Variants in CCDC85A observed in about 807,000 individuals in gnomAD.
CCDC85A encodes coiled-coil domain-containing protein 85A.
Under a neutral mutation model 50.2 loss-of-function variants are expected in CCDC85A, and 38 were observed. That is an observed-to-expected ratio of 0.76 (90% confidence interval 0.58 to 0.99). The LOEUF (loss-of-function observed/expected upper bound fraction) is 0.99, where lower values mean the gene tolerates loss of function less well. Among genes scored for constraint, CCDC85A ranks in the 50% least tolerant of loss-of-function variants. The pLI, the probability that CCDC85A is intolerant of heterozygous loss-of-function variation, is 0.00. For missense variants in CCDC85A, 820 were observed against 742.0 expected, an observed-to-expected ratio of 1.11 and a Z score of -1.22; for synonymous variants, 366 against 301.4, an observed-to-expected ratio of 1.21 and a Z score of -2.22.
intron 2 of CCDC85A, among the ~76,000 whole-genome samples, chr2:56,261,325 T>G (rs13016868): frequency 0.29 from 44,322 of 152,108 alleles, 6,782 homozygotes; most frequent in South Asian, 0.37. Flanking sequence ...CCTTTATTGG[T>G]GCTGTGTGCA....
intron 3 of CCDC85A, among the ~76,000 whole-genome samples, chr2:56,361,208 C>T (rs535398815): frequency 1.1e-4 from 16 of 151,698 alleles, no homozygotes; most frequent in Admixed American, 4.6e-4. Flanking sequence ...GAGCGGAGAT[C>T]GCGCCACTGC....
chr2:56,331,518 A>G (rs757351848), intron 2 of CCDC85A, among the ~76,000 whole-genome samples: 2 of 152,194 alleles, frequency 1.3e-5, no homozygotes, highest in African/African-American at 2.4e-5. Flanking sequence ...CTGCACTTGT[A>G]CCTTTTAAAT....
chr2:56,276,728 T>C (rs910076521), intron 2 of CCDC85A, among the ~76,000 whole-genome samples: 2 of 152,208 alleles, frequency 1.3e-5, no homozygotes, highest in Non-Finnish European at 1.5e-5. Flanking sequence ...AATGGACTAA[T>C]ACAGTGAGTG....
chr2:56,325,019 AC>A (rs200278029), intron 2 of CCDC85A, among the ~76,000 whole-genome samples: 1,534 of 152,206 alleles, frequency 0.01, 14 homozygotes, highest in Middle Eastern at 0.02. Context: ...TAACATGAAA[AC>A]TTAAAGATTT....
At chr2:56,367,415 A>G (rs1454745414) in intron 3 of CCDC85A, among the ~76,000 whole-genome samples, 1 of 152,178 alleles carries the variant, frequency 6.6e-6, no homozygotes, top group Non-Finnish European at 1.5e-5. Context: ...CCTGTGGGCA[A>G]CATGTCCTCA....
chr2:56,194,544 G>C (rs1247921830), intron 2 of CCDC85A, among the ~76,000 whole-genome samples: 1 of 152,226 alleles, frequency 6.6e-6, no homozygotes, highest in Non-Finnish European at 1.5e-5. Flanking sequence ...GAGGCTGCCA[G>C]TTTTAGCAGT....
chr2:56,301,677 A>T (rs1672210582), intron 2 of CCDC85A, among the ~76,000 whole-genome samples: 1 of 152,130 alleles, frequency 6.6e-6, no homozygotes, highest in Non-Finnish European at 1.5e-5. Flanking sequence ...ATGCATAAGG[A>T]ATGGCTCAAC....
At chr2:56,285,285 A>G (rs1015191381) in intron 2 of CCDC85A, among the ~76,000 whole-genome samples, 1 of 150,572 alleles carries the variant, frequency 6.6e-6, no homozygotes, top group African/African-American at 2.4e-5. Flanking sequence ...TGTGTTTTTC[A>G]TAGAGATGGG....
At chr2:56,350,663 T>G (rs369503657) in intron 3 of CCDC85A, among the ~76,000 whole-genome samples, 19 of 152,116 alleles carry the variant, frequency 1.2e-4, no homozygotes, top group African/African-American at 3.9e-4. Context: ...TGATCTCCAT[T>G]TCCTGCTGGA....
In CCDC85A at chr2:56,384,529, A is replaced by G; in HGVS notation, c.*174A>G. On this transcript the variant is annotated 3_prime_UTR_variant, in exon 6 of 6. Coordinates refer to ENST00000407595, the MANE Select transcript of CCDC85A (RefSeq NM_001080433.2). ...TAGTACAACTTCTCCCCTCAAGCTG[A>G]TATTCTGTGTCTCTCACCTCAATGT... 1.8e-6 allele frequency: 1 copy of G among 566,920 alleles called. No homozygotes were observed. The highest frequency in any genetic ancestry group is 3.2e-6 in the Non-Finnish European group (1 of 317,332). 35.1% of individuals were successfully genotyped at this position (566,920 alleles called of 1,614,324 possible). A position where few individuals can be genotyped will look rare whatever the true frequency, so the allele number is the denominator to read the frequency against.
chr2:56,331,626 T>G (rs1673800383), intron 2 of CCDC85A, among the ~76,000 whole-genome samples: 1 of 152,166 alleles, frequency 6.6e-6, no homozygotes, highest in East Asian at 1.9e-4. Flanking sequence ...CCCTAATAAT[T>G]TTTTTCTGGT....
intron 2 of CCDC85A, among the ~76,000 whole-genome samples, chr2:56,299,769 C>G (rs1174635850): frequency 6.6e-6 from 1 of 152,044 alleles, no homozygotes; most frequent in African/African-American, 2.4e-5. Context: ...AAATAAAATC[C>G]TAAAGTAATA....
chr2:56,353,402 G>T (rs17047819), intron 3 of CCDC85A, among the ~76,000 whole-genome samples: 1 of 152,142 alleles, frequency 6.6e-6, no homozygotes, highest in African/African-American at 2.4e-5. Flanking sequence ...GTGTGATAAA[G>T]GCTTGTGGAT....
At chr2:56,324,862 C>G (rs1409502496) in intron 2 of CCDC85A, among the ~76,000 whole-genome samples, 1 of 152,064 alleles carries the variant, frequency 6.6e-6, no homozygotes, top group African/African-American at 2.4e-5. Context: ...GGCTTACAAA[C>G]ATGAATAAAT....
At chr2:56,217,405 G>A (rs1053536898) in intron 2 of CCDC85A, among the ~76,000 whole-genome samples, 1 of 151,882 alleles carries the variant, frequency 6.6e-6, no homozygotes, top group African/African-American at 2.4e-5. Flanking sequence ...TTTTGTGGTT[G>A]TCACTGTGTA....
chr2:56,222,425 G>A (rs938543886), intron 2 of CCDC85A, among the ~76,000 whole-genome samples: 8 of 152,130 alleles, frequency 5.3e-5, no homozygotes, highest in East Asian at 1.9e-4. Flanking sequence ...GACCAAAGAC[G>A]TGGAATGCAT....
chr2:56,277,419 G>T (rs1224714072), intron 2 of CCDC85A, among the ~76,000 whole-genome samples: 1 of 135,632 alleles, frequency 7.4e-6, no homozygotes, highest in Non-Finnish European at 1.5e-5. Flanking sequence ...CAGAGATCCT[G>T]CATGGACACA....
At chr2:56,238,118 G>A (rs1021139272) in intron 2 of CCDC85A, among the ~76,000 whole-genome samples, 1 of 152,164 alleles carries the variant, frequency 6.6e-6, no homozygotes, top group Non-Finnish European at 1.5e-5. Context: ...ACTGCCAGAC[G>A]GTAGCAGGAT....
chr2:56,214,720 C>T (rs1369998362), intron 2 of CCDC85A, among the ~76,000 whole-genome samples: 2 of 151,824 alleles, frequency 1.3e-5, no homozygotes, highest in Non-Finnish European at 2.9e-5. Flanking sequence ...GCTCTGTGTC[C>T]TATTTCACTG....
Sources: gnomAD v4.1 joint callset for allele counts (sites outside exome capture counted in the v4.1 genomes callset) on GRCh38, gnomAD v4.1.1 for gene constraint, MANE v1.5 for transcripts, NCBI Gene and HGNC (gene_info 2026-07-23, HGNC 2026-07-21) for gene names.